Variants in SLC38A1 observed in about 807,000 individuals in gnomAD.
SLC38A1 encodes the protein sodium-coupled neutral amino acid symporter 1.
Under a neutral mutation model 60.3 loss-of-function variants are expected in SLC38A1, and 18 were observed. That is an observed-to-expected ratio of 0.30 (90% CI 0.21 to 0.44). SLC38A1 has a LOEUF of 0.44. Ranked by LOEUF, SLC38A1 falls within the 20% of genes least tolerant of loss-of-function variation. The pLI is 1.00. For synonymous variants in SLC38A1, 196 were observed against 212.1 expected, an observed-to-expected ratio of 0.92 and a Z score of 0.66; for missense variants, 448 against 587.2, an observed-to-expected ratio of 0.76 and a Z score of 2.45.
At chr12:46,194,014 G>A (rs896514624) in intron 16 of SLC38A1, among the ~76,000 whole-genome samples, 1 of 152,200 alleles carries the variant, frequency 6.6e-6, no homozygotes, top group Non-Finnish European at 1.5e-5. Flanking sequence ...AATTGATGCA[G>A]TTTTTTCATA....
At chr12:46,200,700 G>A (rs1196259895) in intron 13 of SLC38A1, among the ~76,000 whole-genome samples, 6 of 152,172 alleles carry the variant, frequency 3.9e-5, no homozygotes, top group East Asian at 1.9e-4. Flanking sequence ...AGAGTGTCAT[G>A]AGTGTAGCAC....
intron 5 of SLC38A1, among the ~76,000 whole-genome samples, chr12:46,213,894 G>C (rs184672844): frequency 1.3e-5 from 2 of 152,288 alleles, no homozygotes; most frequent in African/African-American, 4.8e-5. Context: ...TCTTCGCTGA[G>C]AATCAGTGAA....
chr12:46,241,103 A>G (rs1941430472), intron 2 of SLC38A1, among the ~76,000 whole-genome samples: 1 of 152,168 alleles, frequency 6.6e-6, no homozygotes, highest in East Asian at 1.9e-4. Context: ...TGATACTCTC[A>G]GCAAAGTGAT....
At chr12:46,210,470 T>C (rs776216790) in intron 5 of SLC38A1, among the ~76,000 whole-genome samples, 6 of 152,188 alleles carry the variant, frequency 3.9e-5, no homozygotes, top group Non-Finnish European at 7.3e-5. Context: ...GGTTAAGATA[T>C]GATTGGTAAG....
intron 6 of SLC38A1, 145 bp from the exon 7 acceptor site, chr12:46,207,766 G>A: frequency 1.4e-6 from 1 of 704,040 alleles, no homozygotes; most frequent in Non-Finnish European, 2.5e-6. Context: ...TGGCCTTCAG[G>A]GGTTAAGGTA....
intron 3 of SLC38A1, among the ~76,000 whole-genome samples, chr12:46,236,026 G>C (rs1941246369): frequency 6.6e-6 from 1 of 152,198 alleles, no homozygotes; most frequent in African/African-American, 2.4e-5. Context: ...GCTTGCCAAA[G>C]AAAGGGGACT....
chr12:46,213,604 T>A lies in SLC38A1; in HGVS notation c.315-4477A>T, dbSNP rs375994435. Among the ~76,000 whole-genome samples, 3 of 152,318 alleles carry A rather than the reference T, an allele frequency of 2.0e-5. No individual in the cohort carries two copies. The South Asian group carries it at 6.2e-4, about 32-fold the overall frequency. On this transcript the variant is annotated intron_variant, in intron 5 of 16. Transcript: ENST00000398637. ...CATTCCCTCATCCTTTATATCTAGT[T>A]CATTGGCAAGTGCCCTATCATTTCT...
chr12:46,216,069 A>C (rs997230314), intron 5 of SLC38A1, among the ~76,000 whole-genome samples: 22 of 152,028 alleles, frequency 1.4e-4, no homozygotes, highest in Non-Finnish European at 2.6e-4. Flanking sequence ...CCTTTCTGCT[A>C]TTGCTGGCCT....
At chr12:46,259,565 A>C (rs1000738450) in intron 1 of SLC38A1, among the ~76,000 whole-genome samples, 13 of 152,362 alleles carry the variant, frequency 8.5e-5, no homozygotes, top group African/African-American at 2.9e-4. Context: ...TACTTTAATT[A>C]AAATAAAAAA....
chr12:46,259,639 T>C (rs1942138330), intron 1 of SLC38A1, among the ~76,000 whole-genome samples: 2 of 152,192 alleles, frequency 1.3e-5, no homozygotes, highest in African/African-American at 2.4e-5. Context: ...ATAATAAAAA[T>C]GGCCTTTGGT....
At chr12:46,207,047 C>A in intron 8 of SLC38A1, 108 bp downstream of exon 8, 1 of 708,720 alleles carries the variant, frequency 1.4e-6, no homozygotes, top group South Asian at 2.1e-5. Flanking sequence ...AAACAAAACG[C>A]AGCCTAGGAA....
chr12:46,204,198 T>C (rs1939787785), intron 11 of SLC38A1, 103 bp downstream of exon 11: 2 of 762,098 alleles, frequency 2.6e-6, no homozygotes, highest in Admixed American at 3.8e-5. Flanking sequence ...TCATGTGTTC[T>C]TTTGAGAACT....
chr12:46,195,363 G>A (rs1258068299), intron 16 of SLC38A1, among the ~76,000 whole-genome samples: 2 of 152,190 alleles, frequency 1.3e-5, no homozygotes, highest in Non-Finnish European at 2.9e-5. Flanking sequence ...AGCCCCTGAT[G>A]GGGAGGTGTT....
At chr12:46,195,836 G>A (rs1326952986) in intron 16 of SLC38A1, 5 of 309,350 alleles carry the variant, frequency 1.6e-5, no homozygotes, top group East Asian at 1.5e-4. Flanking sequence ...GGAGTGTACC[G>A]TTTCTCCAGT....
At chr12:46,257,963 C>T (rs1942084952) in intron 1 of SLC38A1, among the ~76,000 whole-genome samples, 1 of 152,204 alleles carries the variant, frequency 6.6e-6, no homozygotes, top group South Asian at 2.1e-4. Flanking sequence ...GCTTCGAGGG[C>T]TGCTGGTTGC....
Position 46,239,863 on chromosome 12 carries a change from A to T in SLC38A1, c.-63T>A. 1.3e-6 allele frequency: 2 copies of T among 1,563,688 alleles called. No individual in the cohort carries two copies. The highest frequency in any genetic ancestry group is 1.7e-6 in the Non-Finnish European group (2 of 1,143,720). On this transcript the variant is annotated 5_prime_UTR_variant, in exon 3 of 17. Coordinates refer to ENST00000398637, the MANE Select transcript of SLC38A1 (RefSeq NM_030674.4). ...TTTCTCCTGTTCTGAGTGTATTTAG[A>T]AGTAGATACCAAAATGGAAGCTTGA...
chr12:46,191,986 A>C (rs955237740), intron 16 of SLC38A1, among the ~76,000 whole-genome samples: 5 of 152,126 alleles, frequency 3.3e-5, no homozygotes, highest in Non-Finnish European at 1.5e-5. Context: ...GGAGTGGTGA[A>C]AGAGGGCATC....
chr12:46,235,077 T>C (rs560321435), intron 3 of SLC38A1, among the ~76,000 whole-genome samples: 8 of 152,264 alleles, frequency 5.3e-5, no homozygotes, highest in Admixed American at 4.6e-4. Context: ...AACTCCACAA[T>C]GGGTGATTGG....
At chr12:46,246,729 A>T (rs1472666489) in intron 1 of SLC38A1, among the ~76,000 whole-genome samples, 1 of 152,218 alleles carries the variant, frequency 6.6e-6, no homozygotes, top group Admixed American at 6.5e-5. Flanking sequence ...ACCCCCGTTT[A>T]GCCTAACTGG....
Sources: gnomAD v4.1 joint callset for allele counts (sites outside exome capture counted in the v4.1 genomes callset) on GRCh38, gnomAD v4.1.1 for gene constraint, MANE v1.5 for transcripts, NCBI Gene and HGNC (gene_info 2026-07-23, HGNC 2026-07-21) for gene names.